SMAD6: variants seen among roughly 807,000 people sequenced by gnomAD.
SMAD6 encodes SMAD family member 6.
In SMAD6, 103 loss-of-function variants were observed where a neutral mutation model predicts 39.4. The observed-to-expected ratio is 2.62, with a 90% CI of 2.23 to 3.08. SMAD6 has a LOEUF of 3.08. SMAD6 is among the 30% of genes most tolerant of loss of function. The pLI is 0.00. For missense variants in SMAD6, 1,104 were observed against 742.9 expected (o/e 1.49, Z -5.65); for synonymous variants, 445 against 353.3 (o/e 1.26, Z -2.91).
chr15:66,746,904 G>A (rs750726853), intron 3 of SMAD6, among the ~76,000 whole-genome samples: 1 of 152,130 alleles, frequency 6.6e-6, no homozygotes, highest in Non-Finnish European at 1.5e-5. Flanking sequence ...TGACCATGGG[G>A]GAATAATTGA....
intron 3 of SMAD6, among the ~76,000 whole-genome samples, chr15:66,768,959 C>T (rs1894335389): frequency 6.6e-6 from 1 of 152,188 alleles, no homozygotes; most frequent in Non-Finnish European, 1.5e-5. Context: ...CTGTTGACAG[C>T]ATAAATTTGA....
intron 3 of SMAD6, among the ~76,000 whole-genome samples, chr15:66,765,348 C>G (rs986748311): frequency 6.6e-6 from 1 of 152,122 alleles, no homozygotes; most frequent in Non-Finnish European, 1.5e-5. Flanking sequence ...CTCAGCCTCC[C>G]GAGCAGCTGG....
intron 3 of SMAD6, among the ~76,000 whole-genome samples, chr15:66,729,192 C>A (rs1001274274): frequency 2.6e-5 from 4 of 152,162 alleles, no homozygotes; most frequent in African/African-American, 9.7e-5. Context: ...GGTGGCCATC[C>A]TGCTACTCAG....
intron 3 of SMAD6, among the ~76,000 whole-genome samples, chr15:66,733,105 G>A (rs986011568): frequency 1.3e-5 from 2 of 151,996 alleles, no homozygotes; most frequent in Non-Finnish European, 2.9e-5. Context: ...GTCTAAAATA[G>A]TTGATATATA....
At chr15:66,756,722 A>C (rs1894106801) in intron 3 of SMAD6, among the ~76,000 whole-genome samples, 2 of 152,238 alleles carry the variant, frequency 1.3e-5, no homozygotes, top group African/African-American at 4.8e-5. Context: ...CCATCCTCTT[A>C]GGTTTGAGGA....
intron 3 of SMAD6, among the ~76,000 whole-genome samples, chr15:66,778,375 G>T (rs945598672): frequency 1.3e-5 from 2 of 152,294 alleles, no homozygotes; most frequent in South Asian, 4.1e-4. Context: ...TGGAAGCTGG[G>T]AAAGAGAAAG....
chr15:66,703,365 A>T lies in SMAD6; in HGVS notation c.107A>T (p.Asp36Val). ...GGCGGCGGCGGTGGCGGCGACGAGGATGGGAGCTTGGGCAGCCGAGCTGAG... is the reference window on the plus strand; with the variant it reads ...GGCGGCGGCGGTGGCGGCGACGAGGTTGGGAGCTTGGGCAGCCGAGCTGAG... ...GSGGGGGGDE[D>V]GSLGSRAEPA... The change falls in exon 1 of 4, where the codon GAT becomes GTT. Residue 36 changes from aspartate (D) to valine (V), a missense_variant. Transcript: ENST00000288840. The T allele has an allele frequency of 6.8e-7, 1 of 1,473,974 alleles. No homozygotes were observed. The highest frequency in any genetic ancestry group is 9.0e-7 in the Non-Finnish European group (1 of 1,112,488). The allele number at this position is 1,473,974 out of a possible 1,614,324, so 91.3% of individuals were successfully genotyped here. A position where few individuals can be genotyped will look rare whatever the true frequency, so the allele number is the denominator to read the frequency against.
chr15:66,781,251 T>C lies in SMAD6; in HGVS notation c.1207T>C (p.Tyr403His), dbSNP rs1287454405. 2.5e-6 allele frequency: 4 copies of C among 1,608,420 alleles called. No individual in the cohort carries two copies. The highest frequency in any genetic ancestry group is 3.4e-6 in the Non-Finnish European group (4 of 1,179,398). ...LSKEPDGVWA[Y>H]NRGEHPIFVN... is the part of the protein sequence containing the mutation. Reference sequence around the variant, plus strand: ...CAAGGAGCCCGACGGCGTGTGGGCCTACAACCGCGGCGAGCACCCCATCTT... The same window carrying C: ...CAAGGAGCCCGACGGCGTGTGGGCCCACAACCGCGGCGAGCACCCCATCTT... Residue 403 changes from tyrosine (Y) to histidine (H), a missense_variant, in exon 4 of 4, where the codon TAC becomes CAC. Coordinates refer to ENST00000288840, the MANE Select transcript of SMAD6 (RefSeq NM_005585.5).
chr15:66,713,500 A>G (rs1711496601), intron 2 of SMAD6, among the ~76,000 whole-genome samples: 1 of 152,064 alleles, frequency 6.6e-6, no homozygotes, highest in South Asian at 2.1e-4. Context: ...TTGTATTTTT[A>G]GTAGAGATGG....
intron 3 of SMAD6, among the ~76,000 whole-genome samples, chr15:66,755,232 A>T (rs1894076338): frequency 2.0e-5 from 3 of 152,128 alleles, no homozygotes; most frequent in Non-Finnish European, 4.4e-5. Flanking sequence ...TTGAAGAATC[A>T]CCACCAGTTT....
chr15:66,713,622 A>T (rs887300153), intron 2 of SMAD6, among the ~76,000 whole-genome samples: 4 of 152,182 alleles, frequency 2.6e-5, no homozygotes, highest in Admixed American at 6.5e-5. Context: ...CTGGCTGGGC[A>T]AGTCACTTCT....
chr15:66,708,657 A>G (rs763177723), intron 1 of SMAD6: 13 of 459,162 alleles, frequency 2.8e-5, no homozygotes, highest in Middle Eastern at 3.3e-4. Context: ...TTTGTGCCAC[A>G]TGAAAGAAGA....
In SMAD6 at chr15:66,703,348, CGGT is replaced by C. The variant is rs1046189206; in HGVS notation, c.93_95del (p.Gly33del). On this transcript the variant is annotated inframe_deletion, in exon 1 of 4. Coordinates refer to ENST00000288840, the MANE Select transcript of SMAD6 (RefSeq NM_005585.5). ...GGGAGGAAGGCGGCAGCGGCGGCGG[CGGT>C]GGCGGCGACGAGGATGGGAGCTTGG... 6.8e-7 allele frequency: 1 copy of C among 1,477,554 alleles called. No individual in the cohort carries two copies. Among genetic ancestry groups the C allele is most frequent in the Non-Finnish European group, 9.0e-7 (1 of 1,113,708 alleles). The allele number at this position is 1,477,554 out of a possible 1,614,324, so 91.5% of individuals were successfully genotyped here.
chr15:66,756,936 A>G (rs1452779396), intron 3 of SMAD6, among the ~76,000 whole-genome samples: 2 of 152,148 alleles, frequency 1.3e-5, no homozygotes, highest in Non-Finnish European at 2.9e-5. Context: ...CGATACTCAT[A>G]TGTTGGGAGG....
intron 3 of SMAD6, among the ~76,000 whole-genome samples, chr15:66,753,042 C>T (rs1055728607): frequency 1.2e-4 from 19 of 152,132 alleles, no homozygotes; most frequent in Non-Finnish European, 2.4e-4. Context: ...ACATACAGCT[C>T]TTGGAAGGTT....
chr15:66,703,141 C>A lies in SMAD6; in HGVS notation c.-118C>A. 1.4e-6 allele frequency: 1 copy of A among 721,016 alleles called. No individual in the cohort carries two copies. The highest frequency in any genetic ancestry group is 2.0e-6 in the Non-Finnish European group (1 of 494,104). 44.7% of individuals were successfully genotyped at this position (721,016 alleles called of 1,614,324 possible). A position where few individuals can be genotyped will look rare whatever the true frequency, so the allele number is the denominator to read the frequency against. ...CAGGCTGTGCGCGGTCTGCACGGCGCTCCGCGGCGGAGCTTCATGTGGGGC... is the reference window on the plus strand; with the variant it reads ...CAGGCTGTGCGCGGTCTGCACGGCGATCCGCGGCGGAGCTTCATGTGGGGC... On this transcript the variant is annotated 5_prime_UTR_variant, in exon 1 of 4. Coordinates refer to ENST00000288840, the MANE Select transcript of SMAD6 (RefSeq NM_005585.5).
intron 3 of SMAD6, among the ~76,000 whole-genome samples, chr15:66,759,633 C>T (rs762060325): frequency 3.9e-5 from 6 of 152,144 alleles, no homozygotes; most frequent in East Asian, 3.9e-4. Context: ...TCTTCGTTTA[C>T]TCCTTTTATT....
Position 66,703,055 on chromosome 15 carries a change from C to A in SMAD6, c.-204C>A. 2 of 407,734 alleles carry A rather than the reference C, an allele frequency of 4.9e-6. No homozygotes were observed. The highest frequency in any genetic ancestry group is 6.5e-4 in the Middle Eastern group (1 of 1,540). The allele number at this position is 407,734 out of a possible 1,614,324, so 25.3% of individuals were successfully genotyped here. A position where few individuals can be genotyped will look rare whatever the true frequency, so the allele number is the denominator to read the frequency against. On this transcript the variant is annotated 5_prime_UTR_variant, in exon 1 of 4. Transcript: ENST00000288840. The stretch of plus-strand genomic sequence containing the variant: ...GACTGCGGCTCGGCGTGCGCGTGTT[C>A]CCGGCCGTCCCGCCTCGGCGAGCTC...
At position 66,782,149 on chromosome 15, in the gene SMAD6, T is replaced by C; in HGVS notation, c.*614T>C. ...AAAGGGAGGAAAGTCACATTTACTC[T>C]TAAGTAAACCAGAGAAAGTTCTGTT... On this transcript the variant is annotated 3_prime_UTR_variant, in exon 4 of 4. Coordinates refer to ENST00000288840, the MANE Select transcript of SMAD6 (RefSeq NM_005585.5). The C allele has an allele frequency of 2.6e-6, 1 of 379,522 alleles. No individual in the cohort carries two copies. The highest frequency in any genetic ancestry group is 4.6e-6 in the Non-Finnish European group (1 of 216,216). 23.5% of individuals were successfully genotyped at this position (379,522 alleles called of 1,614,324 possible).
Sources: gnomAD v4.1 joint callset for allele counts (sites outside exome capture counted in the v4.1 genomes callset) on GRCh38, gnomAD v4.1.1 for gene constraint, MANE v1.5 for transcripts, NCBI Gene and HGNC (gene_info 2026-07-23, HGNC 2026-07-21) for gene names.